The following HERC6 variants were observed in gnomAD, a reference collection of about 807,000 sequenced individuals.
HERC6 encodes the protein HECT and RLD domain containing E3 ubiquitin protein ligase family member 6, also known as probable E3 ubiquitin-protein ligase HERC6.
HERC6 carries 101 observed loss-of-function variants against 114.5 expected under a neutral mutation model. The ratio of observed to expected loss-of-function variants is 0.88; its 90% confidence interval spans 0.75 to 1.04. HERC6 has a LOEUF of 1.04. Among genes scored for constraint, HERC6 ranks in the 50% least tolerant of loss-of-function variants. HERC6 has a pLI of 0.00. For synonymous variants in HERC6, 408 were observed against 436.2 expected (o/e 0.94, Z 0.81); for missense variants, 1,133 against 1,230.9 (o/e 0.92, Z 1.19).
chr4:88,435,327 G>A (rs911709237), intron 17 of HERC6, among the ~76,000 whole-genome samples: 3 of 151,844 alleles, frequency 2.0e-5, no homozygotes, highest in African/African-American at 4.8e-5. Flanking sequence ...CCACTCATGC[G>A]AGGCTCATCT....
At chr4:88,405,123 C>A in intron 9 of HERC6, 126 bp downstream of exon 9, 1 of 1,196,282 alleles carries the variant, frequency 8.4e-7, no homozygotes, top group Non-Finnish European at 1.2e-6. Context: ...TTCTCTTCTA[C>A]AGCCTCTTAG....
chr4:88,425,421 C>T (rs1560564734), intron 15 of HERC6, among the ~76,000 whole-genome samples: 1 of 151,958 alleles, frequency 6.6e-6, no homozygotes, highest in Non-Finnish European at 1.5e-5. Context: ...TATTGTTTTC[C>T]TGCCATGAAC....
At chr4:88,427,716 G>A (rs558972047) in intron 15 of HERC6, among the ~76,000 whole-genome samples, 14 of 152,268 alleles carry the variant, frequency 9.2e-5, no homozygotes, top group African/African-American at 3.4e-4. Context: ...CTAGGAACCT[G>A]GGGTAGGATA....
At chr4:88,384,674 C>T (rs1425120515) in intron 2 of HERC6, among the ~76,000 whole-genome samples, 1 of 152,182 alleles carries the variant, frequency 6.6e-6, no homozygotes, top group Non-Finnish European at 1.5e-5. Flanking sequence ...TCTGGTTCTA[C>T]AGCATCATAA....
rs868360679 is a variant in HERC6, at chr4:88,416,643, T to C, written c.1559-782T>C. On this transcript the variant is annotated intron_variant, in intron 12 of 22. Transcript: ENST00000264346. ...TTTATATTTAAATATTTGATCCATA[T>C]GAAGTTTATCTTGGTTAAACACTAT... Among the ~76,000 whole-genome samples, 7 of 152,206 alleles carry C rather than the reference T, an allele frequency of 4.6e-5. No homozygotes were observed. The South Asian group carries it at 1.2e-3, about 27-fold the overall frequency.
intron 17 of HERC6, among the ~76,000 whole-genome samples, chr4:88,432,314 C>CT (rs1329071387): frequency 6.6e-6 from 1 of 151,700 alleles, no homozygotes; most frequent in Non-Finnish European, 1.5e-5. Context: ...CTGAAAAACT[C>CT]TGAGATCTGA....
At position 88,442,296 on chromosome 4, in the gene HERC6, C is replaced by T. The variant is rs370325778; in HGVS notation, c.2905C>T (p.Arg969Cys). 6.7e-5 allele frequency: 108 copies of T among 1,613,554 alleles called. No homozygotes were observed. Among genetic ancestry groups the T allele is most frequent in the South Asian group, 2.1e-4 (19 of 91,020 alleles). ...RGIQKMEIVF[R>C]CPETFSERDH... ...CATACAGAAAATGGAAATAGTATTTCGCTGTCCTGAAACTTTCAGTGAAAG... is the reference window on the plus strand; with the variant it reads ...CATACAGAAAATGGAAATAGTATTTTGCTGTCCTGAAACTTTCAGTGAAAG... The change falls in exon 23 of 23, where the codon CGC (arginine) becomes TGC (cysteine). Residue 969 changes from arginine to cysteine, a missense_variant. Arg to Cys is a radical substitution (Grantham distance 180). This residue lies in a region of HERC6 where 388 missense variants were observed against 445.9 expected (regional missense o/e 0.87). Transcript: ENST00000264346.
intron 15 of HERC6, among the ~76,000 whole-genome samples, chr4:88,426,264 G>T (rs918285259): frequency 2.0e-5 from 3 of 151,814 alleles, no homozygotes; most frequent in Non-Finnish European, 4.4e-5. Flanking sequence ...TGCCTCCCGG[G>T]TTCAAGCGAT....
chr4:88,399,879 G>A (rs2148886060), intron 8 of HERC6: 1 of 152,316 alleles, frequency 6.6e-6, no homozygotes, highest in East Asian at 1.9e-4. Context: ...GTCAGAAAAG[G>A]CCTTGTAGAG....
rs748231340 is a variant in HERC6 at position 88,390,699 on chromosome 4, T to C, written c.484T>C (p.Leu162=). 8.1e-6 allele frequency: 13 copies of C among 1,613,434 alleles called. No homozygotes were observed. Among genetic ancestry groups the C allele is most frequent in the Non-Finnish European group, 1.1e-5 (13 of 1,179,642 alleles). ...WGKNSHGQLG[L]GKEFPSQASP... is the part of the protein sequence containing the mutation. ...AAAGAACAGCCATGGGCAGCTGGGC[T>C]TGGGGAAGGAGTTCCCCTCCCAAGC... Residue 162 remains leucine (L), a synonymous_variant, in exon 4 of 23, where the codon TTG becomes CTG. Transcript: ENST00000264346.
chr4:88,393,811 C>A (rs1560537945), intron 5 of HERC6, among the ~76,000 whole-genome samples: 1 of 152,172 alleles, frequency 6.6e-6, no homozygotes, highest in African/African-American at 2.4e-5. Flanking sequence ...GAGGGCCAAA[C>A]TTCTCATTCA....
At chr4:88,400,030 T>C (rs1356484199) in intron 8 of HERC6, among the ~76,000 whole-genome samples, 1 of 151,962 alleles carries the variant, frequency 6.6e-6, no homozygotes, top group Non-Finnish European at 1.5e-5. Context: ...GGCAGAACCA[T>C]AGGAAGAAAG....
chr4:88,430,569 CAAAT>C lies in HERC6; in HGVS notation c.2107-553_2107-550del, dbSNP rs375978104. 8.5e-3 allele frequency among the ~76,000 whole-genome samples: 1,196 copies of C among 141,294 alleles called. 9 individuals carry two copies. Among genetic ancestry groups the C allele is most frequent in the African/African-American group, 0.024 (860 of 36,302 alleles). 92.7% of individuals were successfully genotyped at this position (141,294 alleles called of 152,430 possible). ...TGGGCAGCAGAGTGAGACTCCATCT[CAAAT>C]AAATAAATAAATAAATAAATAAATA... is the stretch of plus-strand genomic sequence containing the variant. On this transcript the variant is annotated intron_variant, in intron 16 of 22. Coordinates refer to ENST00000264346, the MANE Select transcript of HERC6 (RefSeq NM_017912.4).
intron 12 of HERC6, among the ~76,000 whole-genome samples, chr4:88,414,302 C>T (rs1736300947): frequency 7.6e-6 from 1 of 131,018 alleles, no homozygotes; most frequent in Non-Finnish European, 1.5e-5. Flanking sequence ...GAGACCCCGA[C>T]TCTACCAATT....
intron 9 of HERC6, 164 bp downstream of exon 9, chr4:88,405,161 T>A (rs1251042930): frequency 2.3e-5 from 18 of 789,004 alleles, no homozygotes; most frequent in Non-Finnish European, 3.3e-5. Context: ...TGTACTCATT[T>A]ACAGATATAT....
At chr4:88,406,685 A>G (rs886500640) in intron 10 of HERC6, among the ~76,000 whole-genome samples, 4 of 152,228 alleles carry the variant, frequency 2.6e-5, no homozygotes, top group African/African-American at 7.2e-5. Context: ...ACTTGCATAA[A>G]TATTTTAGCC....
chr4:88,383,040 T>C, intron 1 of HERC6, 181 bp from the exon 2 acceptor site: 1 of 664,484 alleles, frequency 1.5e-6, no homozygotes. Flanking sequence ...CAGGGTAACA[T>C]ACATTGAATT....
intron 14 of HERC6, 93 bp downstream of exon 14, chr4:88,424,066 G>T (rs1419748800): frequency 1.6e-5 from 10 of 623,198 alleles, no homozygotes; most frequent in Non-Finnish European, 2.7e-5. Flanking sequence ...GATAAATCAG[G>T]ATTTGAAAAT....
chr4:88,391,982 TC>T (rs1734942018), intron 4 of HERC6, among the ~76,000 whole-genome samples: 1 of 49,232 alleles, frequency 2.0e-5, no homozygotes, highest in South Asian at 1.3e-3. Context: ...CCCTTTCCCT[TC>T]CCTCCCCTCC....
Sources: allele counts gnomAD v4.1 joint callset (sites outside exome capture counted in the v4.1 genomes callset), GRCh38; gene constraint gnomAD v4.1.1; regional missense constraint gnomAD v4.1.1; transcripts MANE v1.5; gene names NCBI Gene and HGNC (gene_info 2026-07-23, HGNC 2026-07-21).